Variants in INSR observed in about 807,000 individuals in gnomAD.
The protein encoded by INSR is IR.
A neutral mutation model predicts 142.6 loss-of-function variants in INSR; 67 were observed. That is an observed-to-expected ratio of 0.47 (90% CI 0.39 to 0.58). The LOEUF is 0.58. Among genes scored for constraint, INSR ranks in the 20% least tolerant of loss-of-function variants. The probability of loss-of-function intolerance (pLI) is 0.00; values close to 1 mark genes in which losing one functional copy is unlikely to be tolerated. For synonymous variants in INSR, 756 were observed against 743.1 expected (o/e 1.02, Z -0.28); for missense variants, 1,248 against 1,833.2 (o/e 0.68, Z 5.83).
chr19:7,132,362 C>T, intron 13 of INSR, 45 bp from the exon 14 acceptor site: 3 of 1,600,904 alleles, frequency 1.9e-6, no homozygotes, highest in Non-Finnish European at 8.5e-7. Flanking sequence ...GAGCTTTGCA[C>T]ATCTGGGAGT....
chr19:7,138,032 C>T (rs1428714649), intron 13 of INSR, among the ~76,000 whole-genome samples: 2 of 148,288 alleles, frequency 1.3e-5, no homozygotes, highest in Middle Eastern at 3.4e-3. Flanking sequence ...GGCGTGATCT[C>T]GGCTCACTGC....
chr19:7,183,808 C>T (rs1476329851), intron 3 of INSR, among the ~76,000 whole-genome samples: 1 of 152,054 alleles, frequency 6.6e-6, no homozygotes, highest in East Asian at 1.9e-4. Context: ...CCTGCAATCA[C>T]AGCACTTTGA....
intron 3 of INSR, among the ~76,000 whole-genome samples, chr19:7,182,906 G>T (rs1974311508): frequency 1.0e-5 from 1 of 95,536 alleles, no homozygotes; most frequent in African/African-American, 3.3e-5. Context: ...GAATACACTG[G>T]CCAAAAAAAA....
intron 2 of INSR, among the ~76,000 whole-genome samples, chr19:7,199,321 C>T (rs1974883396): frequency 6.6e-6 from 1 of 152,122 alleles, no homozygotes. Flanking sequence ...TGCCAGAACT[C>T]GAATCCAGGT....
intron 9 of INSR, among the ~76,000 whole-genome samples, chr19:7,153,540 G>C (rs1973507930): frequency 8.1e-6 from 1 of 123,548 alleles, no homozygotes. Flanking sequence ...AGCTGAGACA[G>C]AGCCTAGATT....
At chr19:7,136,848 T>TATATATATATATATATATATA (rs71177159) in intron 13 of INSR, among the ~76,000 whole-genome samples, 18 of 143,162 alleles carry the variant, frequency 1.3e-4, no homozygotes, top group African/African-American at 3.4e-4. Context: ...TATATATATA[T>TATATATATATATATATATATA]TGAGATGGTG....
chr19:7,170,752 C>T lies in INSR; in HGVS notation c.1269-1G>A. On this transcript the variant is annotated splice_acceptor_variant, in intron 5 of 21. Coordinates refer to ENST00000302850, the MANE Select transcript of INSR (RefSeq NM_000208.4). LOFTEE classifies it high-confidence loss of function. ...GTCCAAGGCATAGAAGGAGTAGTTC[C>T]TATGGAAAAAACACACACATCTAGT... is the stretch of plus-strand genomic sequence containing the variant. 6.2e-7 allele frequency: 1 copy of T among 1,612,186 alleles called. No homozygotes were observed. The highest frequency in any genetic ancestry group is 8.5e-7 in the Non-Finnish European group (1 of 1,178,324).
intron 2 of INSR, among the ~76,000 whole-genome samples, chr19:7,185,614 G>A (rs62111415): frequency 2.0e-3 from 301 of 152,008 alleles, no homozygotes; most frequent in Non-Finnish European, 3.5e-3. Context: ...AGGTCGAGGC[G>A]GGTGGATCAC....
rs1263730658 is a variant in INSR at position 7,237,469 on chromosome 19, A to C, written c.652+29876T>G. Among the ~76,000 whole-genome samples, 3 of 151,818 alleles carry C rather than the reference A, an allele frequency of 2.0e-5. No homozygotes were observed. The East Asian group carries it at 5.8e-4, about 29-fold the overall frequency. ...GAGGTGGAGGTTGCAGTGAGCAGAG[A>C]CCATGCCACTGCACTCCAACCTGGG... On this transcript the variant is annotated intron_variant, in intron 2 of 21. Coordinates refer to ENST00000302850, the MANE Select transcript of INSR (RefSeq NM_000208.4).
intron 2 of INSR, among the ~76,000 whole-genome samples, chr19:7,265,974 A>G (rs1967711881): frequency 6.6e-6 from 1 of 152,174 alleles, no homozygotes; most frequent in Non-Finnish European, 1.5e-5. Flanking sequence ...AACCACATAC[A>G]GATTAATTTT....
At chr19:7,262,395 C>A (rs1465478188) in intron 2 of INSR, among the ~76,000 whole-genome samples, 2 of 152,110 alleles carry the variant, frequency 1.3e-5, no homozygotes, top group African/African-American at 4.8e-5. Context: ...TCGCTTGAAC[C>A]CGGGAGGCAG....
chr19:7,129,970 C>T (rs78984106), intron 14 of INSR, among the ~76,000 whole-genome samples: 3,649 of 152,168 alleles, frequency 0.024, 54 homozygotes, highest in Middle Eastern at 0.034. Context: ...AATGCCTGTC[C>T]TCAAGCAATC....
At chr19:7,157,010 C>T (rs188235146) in intron 9 of INSR, among the ~76,000 whole-genome samples, 59 of 151,060 alleles carry the variant, frequency 3.9e-4, no homozygotes, top group African/African-American at 1.3e-3. Flanking sequence ...GATGGAGTCT[C>T]GCTCTTGTTG....
At position 7,152,850 on chromosome 19, in the gene INSR, C is replaced by T. The variant is rs1341209927; in HGVS notation, c.2107G>A (p.Glu703Lys). 5.0e-6 allele frequency: 8 copies of T among 1,613,450 alleles called. No homozygotes were observed. In the Middle Eastern group the frequency reaches 7.1e-4, roughly 143 times the overall value. The change falls in exon 10 of 22, where the codon GAG (glutamate) becomes AAG (lysine). Residue 703 changes from glutamate to lysine, a missense_variant. Around this residue, in one of 3 missense-constraint regions of INSR, gnomAD observed 1,069 missense variants for 1,654.0 expected, o/e 0.65. Transcript: ENST00000302850. ...DSQKHNQSEY[E>K]DSAGECCSCP... ...GAGCAGCATTCGCCGGCCGAATCCT[C>T]ATACTCACTCTGGTTGTGCTTCTGA...
chr19:7,232,529 G>T (rs1976011895), intron 2 of INSR, among the ~76,000 whole-genome samples: 1 of 152,196 alleles, frequency 6.6e-6, no homozygotes, highest in Non-Finnish European at 1.5e-5. Flanking sequence ...TATTTCAGTT[G>T]TTGGCCGGGC....
intron 15 of INSR, among the ~76,000 whole-genome samples, chr19:7,126,871 CT>C (rs1972658853): frequency 6.9e-6 from 1 of 145,742 alleles, no homozygotes; most frequent in Non-Finnish European, 1.5e-5. Flanking sequence ...TCATCCCTCC[CT>C]GGGTGGTTTT....
At chr19:7,278,845 T>G (rs959611987) in intron 1 of INSR, among the ~76,000 whole-genome samples, 2 of 151,656 alleles carry the variant, frequency 1.3e-5, no homozygotes, top group Non-Finnish European at 2.9e-5. Context: ...AATACAAAAA[T>G]GAGTCCGGTA....
intron 9 of INSR, among the ~76,000 whole-genome samples, chr19:7,153,285 CACACACCGCACACACACCACACAA>C (rs1973472351): frequency 7.4e-6 from 1 of 134,388 alleles, no homozygotes; most frequent in African/African-American, 2.9e-5. Flanking sequence ...CACACCACAC[CACACACCGCACACACACCACACAA>C]ATCACACACA....
intron 2 of INSR, among the ~76,000 whole-genome samples, chr19:7,207,797 G>A (rs1975145392): frequency 2.0e-5 from 3 of 151,956 alleles, no homozygotes; most frequent in Non-Finnish European, 2.9e-5. Context: ...TGAGGCAGGA[G>A]GATCACTTGA....
Sources: gnomAD v4.1 joint callset for allele counts (sites outside exome capture counted in the v4.1 genomes callset) on GRCh38, gnomAD v4.1.1 for gene constraint, gnomAD v4.1.1 regional missense constraint, MANE v1.5 for transcripts, NCBI Gene and HGNC (gene_info 2026-07-23, HGNC 2026-07-21) for gene names.